TMEM91: variants seen among roughly 807,000 people sequenced by gnomAD.
The protein encoded by TMEM91 is transmembrane protein 91.
A neutral mutation model predicts 13.3 loss-of-function variants in TMEM91; 6 were observed. That is an observed-to-expected ratio of 0.45 (90% CI 0.25 to 0.89). The LOEUF (loss-of-function observed/expected upper bound fraction) is 0.89, where lower values mean the gene tolerates loss of function less well. TMEM91 is among the 40% of genes least tolerant of loss of function. The pLI, the probability that TMEM91 is intolerant of heterozygous loss-of-function variation, is 0.19. For synonymous variants in TMEM91, 87 were observed against 101.7 expected (o/e 0.86, Z 0.87); for missense variants, 193 against 228.7 (o/e 0.84, Z 1.01).
intron 1 of TMEM91, among the ~76,000 whole-genome samples, chr19:41,367,592 T>C (rs12461207): frequency 1.3e-5 from 2 of 152,008 alleles, no homozygotes; most frequent in Admixed American, 1.3e-4. Flanking sequence ...GATCGTGCCA[T>C]TGCACTCCAT....
intron 1 of TMEM91, among the ~76,000 whole-genome samples, chr19:41,365,423 G>A (rs1186848836): frequency 6.6e-6 from 1 of 152,044 alleles, no homozygotes; most frequent in Non-Finnish European, 1.5e-5. Flanking sequence ...TTTACTTTTT[G>A]AGATGGCGTC....
At chr19:41,380,984 C>G (rs1237986569) in intron 2 of TMEM91, among the ~76,000 whole-genome samples, 1 of 133,586 alleles carries the variant, frequency 7.5e-6, no homozygotes, top group Non-Finnish European at 1.5e-5. Flanking sequence ...TTTTGGGAGG[C>G]TGAGGCAGGA....
upstream of TMEM91, among the ~76,000 whole-genome samples, chr19:41,372,625 T>G (rs1251385175): frequency 6.6e-6 from 1 of 151,550 alleles, no homozygotes; most frequent in Non-Finnish European, 1.5e-5. Context: ...ATGTTTCTTA[T>G]TATTAGATTT....
rs535448477 is a variant in TMEM91, at chr19:41,365,093, C to T, written c.-30+998C>T. On this transcript the variant is annotated intron_variant, in intron 1 of 3. Transcript: ENST00000413014. ...GAGTCCTGCTATGTTGCTATGTTGCCCAGTCTTGTCTTGACCTCCTGGGCT... is the reference window on the plus strand; with the variant it reads ...GAGTCCTGCTATGTTGCTATGTTGCTCAGTCTTGTCTTGACCTCCTGGGCT... 1.1e-3 allele frequency among the ~76,000 whole-genome samples: 173 copies of T among 151,688 alleles called. 1 individual carries two copies. The highest frequency in any genetic ancestry group is 6.8e-3 in the Middle Eastern group (2 of 294).
chr19:41,365,618 C>T (rs1044733934), intron 1 of TMEM91, among the ~76,000 whole-genome samples: 4 of 151,706 alleles, frequency 2.6e-5, no homozygotes, highest in African/African-American at 9.7e-5. Context: ...TTGGCCAGAC[C>T]GGTCTCAAAC....
chr19:41,378,051 A>G (rs1222411257), intron 1 of TMEM91, among the ~76,000 whole-genome samples: 1 of 150,932 alleles, frequency 6.6e-6, no homozygotes, highest in African/African-American at 2.4e-5. Context: ...AAAAAAAAAA[A>G]AAGAGAGAGA....
chr19:41,365,618 C>G (rs1044733934), intron 1 of TMEM91, among the ~76,000 whole-genome samples: 1 of 151,708 alleles, frequency 6.6e-6, no homozygotes, highest in Non-Finnish European at 1.5e-5. Context: ...TTGGCCAGAC[C>G]GGTCTCAAAC....
chr19:41,378,191 G>GTC, intron 1 of TMEM91, 90 bp from the exon 2 acceptor site: 1 of 969,760 alleles, frequency 1.0e-6, no homozygotes, highest in African/African-American at 1.6e-5. Context: ...GCACTAACTA[G>GTC]TCTCTGCCTG....
At chr19:41,377,909 C>T (rs139647030) in intron 1 of TMEM91, among the ~76,000 whole-genome samples, 3,674 of 151,408 alleles carry the variant, frequency 0.024, 160 homozygotes, top group African/African-American at 0.084. Context: ...CCCAGCTACT[C>T]GGGAGGCTGA....
At position 41,383,878 on chromosome 19, in the gene TMEM91, C is replaced by A; in HGVS notation, c.*5C>A. 6.2e-7 allele frequency: 1 copy of A among 1,604,272 alleles called. No individual in the cohort carries two copies. Among genetic ancestry groups the A allele is most frequent in the Admixed American group, 1.7e-5 (1 of 58,454 alleles). On this transcript the variant is annotated 3_prime_UTR_variant, in exon 4 of 4. Coordinates refer to ENST00000392002, the MANE Select transcript of TMEM91 (RefSeq NM_001098821.2). ...GCCTCCCGAGACCCGCCCTAGTTGC[C>A]CCTACAGCCCTCACTGTGAACCCTG...
intron 3 of TMEM91, chr19:41,383,399 T>C (rs1026170798): frequency 1.1e-6 from 1 of 894,494 alleles, no homozygotes; most frequent in African/African-American, 1.8e-5. Context: ...TGTGCCTCAC[T>C]TTCCTCATCT....
upstream of TMEM91, among the ~76,000 whole-genome samples, chr19:41,373,134 T>C (rs1272209678): frequency 6.6e-6 from 1 of 152,102 alleles, no homozygotes; most frequent in African/African-American, 2.4e-5. Context: ...GAGACAAAAT[T>C]TCACTTTGTT....
chr19:41,378,535 C>A lies in TMEM91; in HGVS notation c.210+16C>A. On this transcript the variant is annotated intron_variant, in intron 2 of 3. Coordinates refer to ENST00000392002, the MANE Select transcript of TMEM91 (RefSeq NM_001098821.2). ...TGATGTTGAGGTAGGAAACAGCAGG[C>A]CTTAGTGGAAGGCACGGGAGGGGGC... 6 of 1,613,570 alleles carry A rather than the reference C, an allele frequency of 3.7e-6. No individual in the cohort carries two copies. The highest frequency in any genetic ancestry group is 4.2e-6 in the Non-Finnish European group (5 of 1,179,662).
At chr19:41,368,051 C>G (rs2038556364) in intron 1 of TMEM91, among the ~76,000 whole-genome samples, 1 of 152,152 alleles carries the variant, frequency 6.6e-6, no homozygotes, top group Non-Finnish European at 1.5e-5. Flanking sequence ...TAGCAACATT[C>G]CTCTCAAGGC....
At chr19:41,370,382 A>ATT (rs2038595158) in intron 1 of TMEM91, among the ~76,000 whole-genome samples, 4 of 83,778 alleles carry the variant, frequency 4.8e-5, no homozygotes, top group Non-Finnish European at 1.0e-4. Context: ...CCACCTATTT[A>ATT]TTTATTTTTA....
chr19:41,369,753 A>C (rs994904748), intron 1 of TMEM91, among the ~76,000 whole-genome samples: 1 of 151,466 alleles, frequency 6.6e-6, no homozygotes, highest in African/African-American at 2.4e-5. Context: ...GGTTGCAGTG[A>C]GCCGAGATTG....
At chr19:41,370,784 C>G (rs1023612237) in intron 1 of TMEM91, among the ~76,000 whole-genome samples, 2 of 151,980 alleles carry the variant, frequency 1.3e-5, no homozygotes, top group Admixed American at 6.6e-5. Context: ...TTCACTGTAA[C>G]CTCTGCCTCC....
At chr19:41,382,430 C>A (rs965379568) in intron 2 of TMEM91, among the ~76,000 whole-genome samples, 1 of 152,000 alleles carries the variant, frequency 6.6e-6, no homozygotes, top group Non-Finnish European at 1.5e-5. Context: ...TCAAGACCAT[C>A]CTGGCCAACA....
intron 1 of TMEM91, among the ~76,000 whole-genome samples, chr19:41,368,306 ACTT>A (rs1211790990): frequency 3.3e-5 from 5 of 151,770 alleles, no homozygotes; most frequent in African/African-American, 1.2e-4. Flanking sequence ...AGTCCCATCT[ACTT>A]AGGAGGCTGA....
Sources: allele counts gnomAD v4.1 joint callset (sites outside exome capture counted in the v4.1 genomes callset), GRCh38; gene constraint gnomAD v4.1.1; transcripts MANE v1.5; gene names NCBI Gene and HGNC (gene_info 2026-07-23, HGNC 2026-07-21).